CC2D1B: variants seen among roughly 807,000 people sequenced by gnomAD.
CC2D1B encodes coiled-coil and C2 domain-containing protein 1B.
Under a neutral mutation model 110.8 loss-of-function variants are expected in CC2D1B, and 92 were observed. That is an observed-to-expected ratio of 0.83 (90% CI 0.70 to 0.99). The LOEUF is 0.99. CC2D1B is among the 50% of genes least tolerant of loss of function. The pLI, the probability that CC2D1B is intolerant of heterozygous loss-of-function variation, is 0.00. For synonymous variants in CC2D1B, 406 were observed against 429.2 expected (o/e 0.95, Z 0.67); for missense variants, 1,136 against 1,089.0 (o/e 1.04, Z -0.61).
In CC2D1B at chr1:52,358,541, A is replaced by T. The variant is rs368639827; in HGVS notation, c.1331-80T>A. The T allele has an allele frequency of 1.1e-5, 17 of 1,604,114 alleles. No homozygotes were observed. In the East Asian group the frequency reaches 1.1e-4, roughly 11 times the overall value. On this transcript the variant is annotated intron_variant, in intron 12 of 24. Transcript: ENST00000284376. Reference sequence around the variant, plus strand: ...AGCTACCCGGGGCCCTGTCTGGGGCATGGCTCTGCTGGGGCATGGCTGGGA... The same window carrying T: ...AGCTACCCGGGGCCCTGTCTGGGGCTTGGCTCTGCTGGGGCATGGCTGGGA...
In CC2D1B at chr1:52,361,579, T is replaced by C. The variant is rs1646783659; in HGVS notation, c.252A>G (p.Ala84=). The change falls in exon 4 of 25, where the codon GCA becomes GCG. Residue 84 remains alanine, a synonymous_variant. Coordinates refer to ENST00000284376, the MANE Select transcript of CC2D1B (RefSeq NM_001330585.2). ...CCTCCTCCACATCCCGCATACAGTC[T>C]GCCGCCAACTTCTCGATGTGGGCCA... ...LPMAHIEKLA[A]DCMRDVEEEE... is the part of the protein sequence containing the mutation. The C allele has an allele frequency of 6.2e-7, 1 of 1,613,862 alleles. No individual in the cohort carries two copies. Among genetic ancestry groups the C allele is most frequent in the East Asian group, 2.2e-5 (1 of 44,878 alleles).
At chr1:52,363,318 C>T (rs968920677) in intron 2 of CC2D1B, among the ~76,000 whole-genome samples, 3 of 151,538 alleles carry the variant, frequency 2.0e-5, no homozygotes, top group Non-Finnish European at 4.4e-5. Context: ...TGGCGTGAAC[C>T]CGGGAGATGG....
In CC2D1B at chr1:52,352,563, C is replaced by T. The variant is rs1278248456; in HGVS notation, c.*662G>A. 1 of 152,452 alleles carries T rather than the reference C, an allele frequency of 6.6e-6. No individual in the cohort carries two copies. Among genetic ancestry groups the T allele is most frequent in the Non-Finnish European group, 1.5e-5 (1 of 68,004 alleles). 9.4% of individuals were successfully genotyped at this position (152,452 alleles called of 1,614,324 possible). A position where few individuals can be genotyped will look rare whatever the true frequency, so the allele number is the denominator to read the frequency against. ...AAATTTTATATATATATTTTTTCTTCCAGTTAACAGTCTTTTCTCTTGGGT... is the reference window on the plus strand; with the variant it reads ...AAATTTTATATATATATTTTTTCTTTCAGTTAACAGTCTTTTCTCTTGGGT... On this transcript the variant is annotated 3_prime_UTR_variant, in exon 25 of 25. Transcript: ENST00000284376.
At chr1:52,360,385 C>A in intron 6 of CC2D1B, 39 bp downstream of exon 6, 1 of 1,606,470 alleles carries the variant, frequency 6.2e-7, no homozygotes, top group South Asian at 1.1e-5. Flanking sequence ...TTTCATGCAG[C>A]CCCCTCCCCT....
chr1:52,359,739 A>G lies in CC2D1B; in HGVS notation c.908T>C (p.Leu303Pro). ...AALSAKRAGE[L>P]DRARELMRIG... ...CCTCATGAGCTCTCGGGCACGGTCT[A>G]GCTCTCCAGCCCGCTTGGCACTGAG... is the stretch of plus-strand genomic sequence containing the variant. The change falls in exon 8 of 25, where the codon CTA (leucine) becomes CCA (proline). Residue 303 changes from leucine (L) to proline (P), a missense_variant. Transcript: ENST00000284376. 1 of 1,609,254 alleles carries G rather than the reference A, an allele frequency of 6.2e-7. No individual in the cohort carries two copies. Among genetic ancestry groups the G allele is most frequent in the South Asian group, 1.1e-5 (1 of 89,994 alleles).
rs1646640332 is a variant in CC2D1B, at chr1:52,355,861, A to G, written c.2055-17T>C. 1.9e-6 allele frequency: 3 copies of G among 1,613,530 alleles called. No homozygotes were observed. The highest frequency in any genetic ancestry group is 2.5e-6 in the Non-Finnish European group (3 of 1,179,556). On this transcript the variant is annotated splice_polypyrimidine_tract_variant and intron_variant, in intron 18 of 24. Coordinates refer to ENST00000284376, the MANE Select transcript of CC2D1B (RefSeq NM_001330585.2). ...GAGAAGATCCTAGAGCCAAGCGGGA[A>G]GGAGAAAATGCTCAAAAGTGAAGGA...
At chr1:52,355,918 C>T (rs1394093082) in intron 18 of CC2D1B, 74 bp from the exon 19 acceptor site, 5 of 1,468,092 alleles carry the variant, frequency 3.4e-6, no homozygotes, top group Non-Finnish European at 4.8e-6. Flanking sequence ...TCGTCCAGGG[C>T]CTGTCTGCCC....
chr1:52,355,877 A>C, intron 18 of CC2D1B, 33 bp from the exon 19 acceptor site: 3 of 1,608,420 alleles, frequency 1.9e-6, no homozygotes, highest in Non-Finnish European at 2.6e-6. Context: ...AAATGCTCAA[A>C]AGTGAAGGAC....
At chr1:52,361,763 C>T in intron 3 of CC2D1B, 147 bp from the exon 4 acceptor site, 2 of 1,003,602 alleles carry the variant, frequency 2.0e-6, no homozygotes, top group Non-Finnish European at 3.0e-6. Context: ...TCCTTTAAGA[C>T]CCAGTTCAAA....
intron 13 of CC2D1B, 86 bp from the exon 14 acceptor site, chr1:52,357,984 A>G (rs568724808): frequency 1.3e-4 from 199 of 1,503,236 alleles, no homozygotes; most frequent in Middle Eastern, 5.1e-4. Flanking sequence ...TCTTCCTAAC[A>G]CTGTACTACA....
intron 23 of CC2D1B, 81 bp downstream of exon 23, chr1:52,354,527 C>T: frequency 8.6e-7 from 1 of 1,160,206 alleles, no homozygotes. Flanking sequence ...AGCACGAAAA[C>T]CTACAACAAG....
rs1450381133 is a variant in CC2D1B, at chr1:52,360,557, C to A, written c.478-8G>T. The A allele has an allele frequency of 1.1e-5, 17 of 1,613,024 alleles. No homozygotes were observed. The highest frequency in any genetic ancestry group is 6.7e-5 in the Admixed American group (4 of 59,764). ...CCCCTGAGATGCTCCGGCCTATGAA[C>A]AATTCAGCTAAGGGCCTGGCCACTC... On this transcript the variant is annotated splice_polypyrimidine_tract_variant and splice_region_variant and intron_variant, in intron 5 of 24. Transcript: ENST00000284376.
At chr1:52,365,821 G>T (rs909505590) in intron 1 of CC2D1B, among the ~76,000 whole-genome samples, 3 of 152,198 alleles carry the variant, frequency 2.0e-5, no homozygotes, top group Non-Finnish European at 4.4e-5. Context: ...CGCTCCGGGG[G>T]ACTCTGAGTG....
chr1:52,355,924 T>C, intron 18 of CC2D1B, 80 bp from the exon 19 acceptor site: 1 of 1,438,538 alleles, frequency 7.0e-7, no homozygotes, highest in Non-Finnish European at 9.8e-7. Flanking sequence ...AGGGCCTGTC[T>C]GCCCAGCTGG....
At chr1:52,362,484 G>A (rs1646801701) in intron 3 of CC2D1B, 118 bp downstream of exon 3, 1 of 1,212,720 alleles carries the variant, frequency 8.2e-7, no homozygotes, top group Non-Finnish European at 1.2e-6. Context: ...TGCGGCAGAT[G>A]GGTATTGGAA....
rs1646542121 is a variant in CC2D1B at position 52,352,235 on chromosome 1, T to C, written c.*990A>G. Reference sequence around the variant, plus strand: ...TTTCAGTTTTGAATATTAAATCTCTTACAACTACAAACCCCTTCATAGTCT... The same window carrying C: ...TTTCAGTTTTGAATATTAAATCTCTCACAACTACAAACCCCTTCATAGTCT... On this transcript the variant is annotated 3_prime_UTR_variant, in exon 25 of 25. Coordinates refer to ENST00000284376, the MANE Select transcript of CC2D1B (RefSeq NM_001330585.2). 6.6e-6 allele frequency: 1 copy of C among 152,220 alleles called. No homozygotes were observed. Among genetic ancestry groups the C allele is most frequent in the African/African-American group, 2.4e-5 (1 of 41,444 alleles). 9.4% of individuals were successfully genotyped at this position (152,220 alleles called of 1,614,324 possible). A position where few individuals can be genotyped will look rare whatever the true frequency, so the allele number is the denominator to read the frequency against.
At position 52,351,815 on chromosome 1, in the gene CC2D1B, T is replaced by TG. The variant is rs1275046705; in HGVS notation, c.*1409dup. The TG allele has an allele frequency of 4.6e-5, 6 of 130,716 alleles. No homozygotes were observed. Among genetic ancestry groups the TG allele is most frequent in the Admixed American group, 3.5e-4 (4 of 11,570 alleles). 8.1% of individuals were successfully genotyped at this position (130,716 alleles called of 1,614,324 possible). On this transcript the variant is annotated 3_prime_UTR_variant, in exon 25 of 25. Coordinates refer to ENST00000284376, the MANE Select transcript of CC2D1B (RefSeq NM_001330585.2). ...AGGAGAATCGCTTGAACCTGGGAGG[T>TG]GGGGGTTGCAGCGAGCTGAGATCAT...
intron 13 of CC2D1B, 50 bp downstream of exon 13, chr1:52,358,281 C>T (rs371668314): frequency 5.6e-5 from 89 of 1,591,730 alleles, no homozygotes; most frequent in Non-Finnish European, 7.2e-5. Context: ...GGGTTTACCC[C>T]TCACCTGCTA....
At chr1:52,361,443 TCCA>T (rs1646780378) in intron 4 of CC2D1B, 67 bp downstream of exon 4, 3 of 1,600,508 alleles carry the variant, frequency 1.9e-6, no homozygotes, top group South Asian at 2.2e-5. Flanking sequence ...CAGCCTCCTC[TCCA>T]CTGCCCTCTC....
Sources: gnomAD v4.1 joint callset for allele counts (sites outside exome capture counted in the v4.1 genomes callset) on GRCh38, gnomAD v4.1.1 for gene constraint, MANE v1.5 for transcripts, NCBI Gene and HGNC (gene_info 2026-07-23, HGNC 2026-07-21) for gene names.